The following STAB2 variants were observed in gnomAD, a reference collection of about 807,000 sequenced individuals.
The protein encoded by STAB2 is stabilin-2.
In STAB2, 288 loss-of-function variants were observed where a neutral mutation model predicts 338.1. The ratio of observed to expected loss-of-function variants is 0.85; its 90% confidence interval spans 0.77 to 0.94. The LOEUF is 0.94. Among genes scored for constraint, STAB2 ranks in the 40% least tolerant of loss-of-function variants. STAB2 has a pLI of 0.00. For missense variants in STAB2, 3,141 were observed against 3,210.1 expected (o/e 0.98, Z 0.52); for synonymous variants, 1,202 against 1,193.3 (o/e 1.01, Z -0.15).
Position 103,683,211 on chromosome 12 carries a change from T to C in STAB2, c.2812T>C (p.Cys938Arg). 6.2e-7 allele frequency: 1 copy of C among 1,611,334 alleles called. No individual in the cohort carries two copies. The highest frequency in any genetic ancestry group is 1.3e-5 in the African/African-American group (1 of 74,778). ...TCTGTTCTTAAAATTATAGAATGAGTGTGAGTGCAAGAAAGGATTTCGAGG... is the reference window on the plus strand; with the variant it reads ...TCTGTTCTTAAAATTATAGAATGAGCGTGAGTGCAAGAAAGGATTTCGAGG... ...CLYVGPGQNE[C>R]ECKKGFRGNG... The change falls in exon 26 of 69, where the codon TGT (cysteine) becomes CGT (arginine). Residue 938 changes from cysteine to arginine, a missense_variant. Transcript: ENST00000388887.
intron 3 of STAB2, among the ~76,000 whole-genome samples, chr12:103,614,787 T>C (rs1957183735): frequency 6.6e-6 from 1 of 152,186 alleles, no homozygotes; most frequent in Non-Finnish European, 1.5e-5. Context: ...AAACCTTCAC[T>C]TCCTCTCTGT....
intron 3 of STAB2, among the ~76,000 whole-genome samples, chr12:103,611,532 A>G (rs1458251927): frequency 6.6e-6 from 1 of 151,268 alleles, no homozygotes; most frequent in Non-Finnish European, 1.5e-5. Flanking sequence ...TTTGTTTTCC[A>G]TTTGCTTGGT....
chr12:103,717,647 G>A (rs563584001), intron 43 of STAB2, 123 bp from the exon 44 acceptor site: 38 of 753,448 alleles, frequency 5.0e-5, no homozygotes, highest in African/African-American at 1.4e-4. Context: ...TATTACCAAC[G>A]TCAAATAGAG....
At chr12:103,604,453 A>G (rs143607464) in intron 3 of STAB2, among the ~76,000 whole-genome samples, 2 of 152,158 alleles carry the variant, frequency 1.3e-5, no homozygotes, top group Non-Finnish European at 2.9e-5. Context: ...TCTTCCTTAC[A>G]TGTGAGATAG....
At chr12:103,675,384 G>C (rs1249514198) in intron 23 of STAB2, among the ~76,000 whole-genome samples, 4 of 152,214 alleles carry the variant, frequency 2.6e-5, no homozygotes, top group African/African-American at 9.6e-5. Context: ...AAACCTCTGA[G>C]GGGCCAGAGA....
chr12:103,711,463 T>C lies in STAB2; in HGVS notation c.4289-8T>C. On this transcript the variant is annotated splice_region_variant and splice_polypyrimidine_tract_variant and intron_variant, in intron 39 of 68. Transcript: ENST00000388887. The stretch of plus-strand genomic sequence containing the variant: ...AGGGCTAAGACAGCAACTGGTTCTC[T>C]TTTTCAGCAACCACAGAAGACAACT... The C allele has an allele frequency of 6.2e-7, 1 of 1,614,000 alleles. No homozygotes were observed. Among genetic ancestry groups the C allele is most frequent in the South Asian group, 1.1e-5 (1 of 91,068 alleles).
At chr12:103,701,964 A>AC (rs889118437) in intron 34 of STAB2, among the ~76,000 whole-genome samples, 2 of 142,778 alleles carry the variant, frequency 1.4e-5, no homozygotes, top group African/African-American at 5.3e-5. Flanking sequence ...CCCTCTCCCA[A>AC]CTTCAGCCCT....
At chr12:103,729,332 T>C (rs1482156528) in intron 48 of STAB2, among the ~76,000 whole-genome samples, 1 of 152,116 alleles carries the variant, frequency 6.6e-6, no homozygotes, top group Non-Finnish European at 1.5e-5. Context: ...AACCTGCATA[T>C]GTTCCCCTGA....
intron 11 of STAB2, among the ~76,000 whole-genome samples, chr12:103,651,735 C>T (rs910431856): frequency 1.3e-5 from 2 of 151,156 alleles, no homozygotes; most frequent in African/African-American, 4.9e-5. Flanking sequence ...TGATGGAAGC[C>T]AATAAAAGAT....
chr12:103,750,316 G>C (rs912277361), intron 59 of STAB2, among the ~76,000 whole-genome samples: 1 of 152,234 alleles, frequency 6.6e-6, no homozygotes, highest in Non-Finnish European at 1.5e-5. Context: ...TGTGATAGAA[G>C]GGAATGGAAA....
At chr12:103,710,682 G>A (rs914122196) in intron 39 of STAB2, among the ~76,000 whole-genome samples, 1 of 152,172 alleles carries the variant, frequency 6.6e-6, no homozygotes, top group Non-Finnish European at 1.5e-5. Context: ...TAAGATACAG[G>A]CACAAAATTG....
At chr12:103,724,899 T>A (rs1881058939) in intron 44 of STAB2, 76 bp from the exon 45 acceptor site, 2 of 1,573,724 alleles carry the variant, frequency 1.3e-6, no homozygotes, top group Non-Finnish European at 1.7e-6. Flanking sequence ...AACGCAGAAT[T>A]GCTTTGTAAA....
At chr12:103,683,348 CAA>C in intron 26 of STAB2, 48 bp downstream of exon 26, 2 of 959,362 alleles carry the variant, frequency 2.1e-6, no homozygotes, top group East Asian at 5.9e-5. Context: ...AAAAAAAAAA[CAA>C]TGCTTGAGAA....
intron 51 of STAB2, among the ~76,000 whole-genome samples, chr12:103,734,787 G>A (rs547118696): frequency 2.0e-4 from 30 of 152,264 alleles, no homozygotes; most frequent in African/African-American, 7.0e-4. Context: ...GGAGATGAAG[G>A]AGCTGGCAAG....
In STAB2 at chr12:103,655,443, T is replaced by G. The variant is rs771850414; in HGVS notation, c.1609-13T>G. 6.2e-7 allele frequency: 1 copy of G among 1,613,364 alleles called. No individual in the cohort carries two copies. Among genetic ancestry groups the G allele is most frequent in the Admixed American group, 1.7e-5 (1 of 59,950 alleles). ...GTAGGCTGCAGATACAAAATTTCAT[T>G]TCCCAAATGCAGGAAACCAATTTGG... On this transcript the variant is annotated splice_polypyrimidine_tract_variant and intron_variant, in intron 14 of 68. Transcript: ENST00000388887.
At chr12:103,611,380 G>T (rs1322820116) in intron 3 of STAB2, among the ~76,000 whole-genome samples, 10 of 152,210 alleles carry the variant, frequency 6.6e-5, no homozygotes, top group South Asian at 2.1e-4. Context: ...TCCTGTATTG[G>T]GTGCATATAT....
At chr12:103,637,084 A>T in intron 6 of STAB2, 27 bp from the exon 7 acceptor site, 1 of 1,584,166 alleles carries the variant, frequency 6.3e-7, no homozygotes, top group South Asian at 1.2e-5. Flanking sequence ...CTACTAATGC[A>T]AGTACTTCAA....
At chr12:103,637,437 G>A (rs1314712749) in intron 7 of STAB2, among the ~76,000 whole-genome samples, 3 of 152,156 alleles carry the variant, frequency 2.0e-5, no homozygotes, top group Non-Finnish European at 4.4e-5. Context: ...CACATATAGA[G>A]ATTTTTATGT....
intron 1 of STAB2, 22 bp from the exon 2 acceptor site, chr12:103,590,875 C>CT (rs760999818): frequency 3.3e-5 from 54 of 1,612,918 alleles, no homozygotes; most frequent in African/African-American, 3.1e-4. Context: ...AATTAATGTT[C>CT]TTTTTTTTAA....
Sources: gnomAD v4.1 joint callset for allele counts (sites outside exome capture counted in the v4.1 genomes callset) on GRCh38, gnomAD v4.1.1 for gene constraint, MANE v1.5 for transcripts, NCBI Gene and HGNC (gene_info 2026-07-23, HGNC 2026-07-21) for gene names.